METTL8: variants seen among roughly 807,000 people sequenced by gnomAD.
METTL8 encodes tRNA N(3)-cytidine methyltransferase METTL8, mitochondrial.
Under a neutral mutation model 48.7 loss-of-function variants are expected in METTL8, and 32 were observed. The ratio of observed to expected loss-of-function variants is 0.66; its 90% confidence interval spans 0.50 to 0.88. The LOEUF (loss-of-function observed/expected upper bound fraction) is 0.88. METTL8 is among the 40% of genes least tolerant of loss of function. The pLI, the probability that METTL8 is intolerant of heterozygous loss-of-function variation, is 0.00. For synonymous variants in METTL8, 136 were observed against 157.1 expected (o/e 0.87, Z 1.01); for missense variants, 464 against 474.4 (o/e 0.98, Z 0.20).
intron 3 of METTL8, 82 bp from the exon 4 acceptor site, chr2:171,339,636 ATATACAT>A (rs1386225818): frequency 6.4e-6 from 4 of 627,102 alleles, no homozygotes; most frequent in Non-Finnish European, 7.6e-6. Context: ...ATTGTTAAAC[ATATACAT>A]TATCATTTAT....
chr2:171,317,516 T>C lies in METTL8; in HGVS notation c.*6656A>G, dbSNP rs181698822. The stretch of plus-strand genomic sequence containing the variant: ...CCTACCTGCTGGAGAAAATCAAAGA[T>C]AAAGACCCAGATCACTGGGATGCCA... On this transcript the variant is annotated 3_prime_UTR_variant, in exon 10 of 10. Transcript: ENST00000375258. 2 of 152,228 alleles carry C rather than the reference T, an allele frequency of 1.3e-5. No homozygotes were observed. Among genetic ancestry groups the C allele is most frequent in the African/African-American group, 4.8e-5 (2 of 41,434 alleles). The allele number at this position is 152,228 out of a possible 1,614,324, so 9.4% of individuals were successfully genotyped here. A position where few individuals can be genotyped will look rare whatever the true frequency, so the allele number is the denominator to read the frequency against.
chr2:171,344,247 T>C (rs902378792), intron 3 of METTL8, among the ~76,000 whole-genome samples: 3 of 152,214 alleles, frequency 2.0e-5, no homozygotes, highest in East Asian at 1.9e-4. Context: ...TTATTCCAAT[T>C]TGCAGAGAAA....
chr2:171,402,453 T>TG (rs1327926035), intron 1 of METTL8, among the ~76,000 whole-genome samples: 1 of 152,130 alleles, frequency 6.6e-6, no homozygotes, highest in African/African-American at 2.4e-5. Context: ...TTCTCATTGT[T>TG]GGAGTGGGAG....
chr2:171,402,145 T>C (rs1048701559), intron 1 of METTL8, among the ~76,000 whole-genome samples: 1 of 152,070 alleles, frequency 6.6e-6, no homozygotes, highest in African/African-American at 2.4e-5. Context: ...TATAGAAGAA[T>C]GAGTAACATT....
At chr2:171,324,393 G>A (rs1022732835) in intron 9 of METTL8, 31 bp from the exon 10 acceptor site, 12 of 1,538,870 alleles carry the variant, frequency 7.8e-6, no homozygotes, top group South Asian at 1.2e-5. Context: ...TAAAAGATAT[G>A]ACATGTGACT....
chr2:171,415,939 G>C (rs1251771917), intron 1 of METTL8, among the ~76,000 whole-genome samples: 4 of 152,176 alleles, frequency 2.6e-5, no homozygotes, highest in Non-Finnish European at 5.9e-5. Flanking sequence ...GTGGAGCAAA[G>C]AACCAGGAAG....
chr2:171,398,886 G>A (rs974759362), intron 1 of METTL8, among the ~76,000 whole-genome samples: 2 of 152,130 alleles, frequency 1.3e-5, no homozygotes, highest in Admixed American at 6.6e-5. Flanking sequence ...GTTTCATTTA[G>A]GGAAGATGAA....
At chr2:171,397,119 G>A (rs1689143849) in intron 1 of METTL8, among the ~76,000 whole-genome samples, 1 of 151,100 alleles carries the variant, frequency 6.6e-6, no homozygotes, top group South Asian at 2.1e-4. Flanking sequence ...ATCTTGCCTG[G>A]CCTCAGCTTC....
chr2:171,434,302 A>C, upstream of METTL8: 2 of 600,126 alleles, frequency 3.3e-6, no homozygotes, highest in Non-Finnish European at 6.1e-6. Flanking sequence ...GCCGCGCGGT[A>C]CCGGAGCGTC....
At chr2:171,370,961 C>T (rs755482309) in intron 2 of METTL8, among the ~76,000 whole-genome samples, 13 of 151,900 alleles carry the variant, frequency 8.6e-5, no homozygotes, top group South Asian at 2.1e-4. Flanking sequence ...TATTACACTT[C>T]GTAAATAAAT....
At chr2:171,385,320 G>A (rs1667804612) in intron 2 of METTL8, among the ~76,000 whole-genome samples, 1 of 150,852 alleles carries the variant, frequency 6.6e-6, no homozygotes, top group South Asian at 2.1e-4. Flanking sequence ...CTGGGTGACA[G>A]GGCAAGACCC....
intron 3 of METTL8, among the ~76,000 whole-genome samples, chr2:171,355,380 C>T (rs754581984): frequency 1.3e-5 from 2 of 150,862 alleles, no homozygotes; most frequent in African/African-American, 2.5e-5. Context: ...TCAGCCCCTA[C>T]TGGGAGGTGC....
intron 1 of METTL8, among the ~76,000 whole-genome samples, chr2:171,421,970 T>G (rs1051414597): frequency 1.3e-5 from 2 of 152,218 alleles, no homozygotes; most frequent in African/African-American, 4.8e-5. Context: ...ATAAGGCTTT[T>G]GGGAAGCCCA....
At chr2:171,373,902 G>T (rs908708926) in intron 2 of METTL8, among the ~76,000 whole-genome samples, 1 of 152,236 alleles carries the variant, frequency 6.6e-6, no homozygotes, top group Non-Finnish European at 1.5e-5. Context: ...ATAGTTTGAA[G>T]TCAGGCAGCG....
chr2:171,356,952 A>ATGTTTTTTTTTGTTTT lies in METTL8; in HGVS notation c.235+3469_235+3470insAAAACAAAAAAAAACA. Among the ~76,000 whole-genome samples, 13 of 78,488 alleles carry ATGTTTTTTTTTGTTTT rather than the reference A, an allele frequency of 1.7e-4. 2 individuals are homozygous for ATGTTTTTTTTTGTTTT. The highest frequency in any genetic ancestry group is 0.013 in the Middle Eastern group (1 of 78). The allele number at this position is 78,488 out of a possible 152,430, so 51.5% of individuals were successfully genotyped here. ...CAAATTAGCCTTGTTCAAAGACAAT[A>ATGTTTTTTTTTGTTTT]TTTTTTTTTTTTTTTTTGAGACAGG... On this transcript the variant is annotated intron_variant, in intron 3 of 9. Transcript: ENST00000375258.
chr2:171,399,158 C>T (rs1429150462), intron 1 of METTL8, among the ~76,000 whole-genome samples: 2 of 152,098 alleles, frequency 1.3e-5, no homozygotes, highest in African/African-American at 4.8e-5. Context: ...ACAAGCAAGA[C>T]TTTAGGGCCA....
At chr2:171,372,275 T>A (rs191893446) in intron 2 of METTL8, among the ~76,000 whole-genome samples, 134 of 152,066 alleles carry the variant, frequency 8.8e-4, no homozygotes, top group African/African-American at 3.0e-3. Context: ...AATAGGTACA[T>A]AAGGAAGGGG....
chr2:171,350,028 A>G (rs1250884739), intron 3 of METTL8, among the ~76,000 whole-genome samples: 1 of 152,126 alleles, frequency 6.6e-6, no homozygotes, highest in Non-Finnish European at 1.5e-5. Flanking sequence ...TTTGTTACAC[A>G]TGTATACTTG....
At chr2:171,379,237 T>C (rs1005058669) in intron 2 of METTL8, among the ~76,000 whole-genome samples, 4 of 152,174 alleles carry the variant, frequency 2.6e-5, no homozygotes, top group Non-Finnish European at 4.4e-5. Context: ...TGTACCAGAA[T>C]TTCTGGAATG....
Sources: gnomAD v4.1 joint callset for allele counts (sites outside exome capture counted in the v4.1 genomes callset) on GRCh38, gnomAD v4.1.1 for gene constraint, MANE v1.5 for transcripts, NCBI Gene and HGNC (gene_info 2026-07-23, HGNC 2026-07-21) for gene names.